PACS2: variants seen among roughly 807,000 people sequenced by gnomAD.
PACS2 encodes the protein phosphofurin acidic cluster sorting protein 2, also known as PACS1-like protein.
In PACS2, 36 loss-of-function variants were observed where a neutral mutation model predicts 113.0. The observed-to-expected ratio is 0.32, with a 90% CI of 0.24 to 0.42. The LOEUF (loss-of-function observed/expected upper bound fraction) is 0.42, where lower values mean the gene tolerates loss of function less well. PACS2 is among the 10% of genes least tolerant of loss of function. The pLI, the probability that PACS2 is intolerant of heterozygous loss-of-function variation, is 1.00. For synonymous variants in PACS2, 589 were observed against 536.1 expected (o/e 1.10, Z -1.36); for missense variants, 1,015 against 1,239.5 (o/e 0.82, Z 2.72).
In PACS2 at chr14:105,348,104, C is replaced by T. The variant is rs782819378; in HGVS notation, c.120-389C>T. Among the ~76,000 whole-genome samples, 15 of 152,066 alleles carry T rather than the reference C, an allele frequency of 9.9e-5. No homozygotes were observed. Among genetic ancestry groups the T allele is most frequent in the East Asian group, 1.9e-4 (1 of 5,182 alleles). On this transcript the variant is annotated intron_variant, in intron 1 of 24. Transcript: ENST00000447393. The surrounding 1 kb of genome is among the most constrained non-coding windows in gnomAD (Gnocchi z 6.4). ...GGCTGGGCCTGGGGCTGGATAGGGCCGCGGGAGAGGGGAGGCCTGTGCTCT... is the reference window on the plus strand; with the variant it reads ...GGCTGGGCCTGGGGCTGGATAGGGCTGCGGGAGAGGGGAGGCCTGTGCTCT...
chr14:105,357,766 C>T lies in PACS2; in HGVS notation c.423+2589C>T, dbSNP rs782210590. Among the ~76,000 whole-genome samples, 3 of 152,100 alleles carry T rather than the reference C, an allele frequency of 2.0e-5. No individual in the cohort carries two copies. Among genetic ancestry groups the T allele is most frequent in the African/African-American group, 4.8e-5 (2 of 41,392 alleles). Reference sequence around the variant, plus strand: ...CTGTGCCATGGGGGCTTGCTGGCTCCGAGACTGCACGCCTGAGACGGGGGT... The same window carrying T: ...CTGTGCCATGGGGGCTTGCTGGCTCTGAGACTGCACGCCTGAGACGGGGGT... On this transcript the variant is annotated intron_variant, in intron 4 of 24. Transcript: ENST00000447393. The surrounding 1 kb of genome is among the most constrained non-coding windows in gnomAD (Gnocchi z 5.1).
Position 105,382,818 on chromosome 14 carries a change from C to A in PACS2, c.1530C>A (p.Asp510Glu). The A allele has an allele frequency of 6.3e-7, 1 of 1,595,094 alleles. No individual in the cohort carries two copies. Residue 510 changes from aspartate to glutamate, a missense_variant, in exon 15 of 25, where the codon GAC (aspartate) becomes GAA (glutamate). This residue lies in a region of PACS2 where 859 missense variants were observed against 1,056.8 expected (regional missense o/e 0.81). Coordinates refer to ENST00000447393, the MANE Select transcript of PACS2 (RefSeq NM_001100913.3). ...CTGTCTTCTGCCAGTTCCTCTCCGA[C>A]GTCCTGCAGAGGCACACGCTCCCCG... The part of the protein sequence containing the change: ...TSDWQGQFLS[D>E]VLQRHTLPVV...
intron 4 of PACS2, among the ~76,000 whole-genome samples, chr14:105,363,997 C>T (rs587621779): frequency 3.9e-5 from 6 of 152,300 alleles, no homozygotes; most frequent in African/African-American, 1.4e-4. Flanking sequence ...ATTAAGTTCA[C>T]TGTCTTACAT....
chr14:105,313,034 G>A (rs2058389019), upstream of PACS2, among the ~76,000 whole-genome samples: 1 of 152,154 alleles, frequency 6.6e-6, no homozygotes, highest in Non-Finnish European at 1.5e-5. Context: ...TCACAACGGT[G>A]CCTGGCACAG....
At position 105,348,440 on chromosome 14, in the gene PACS2, G is replaced by C. The variant is rs1321236203; in HGVS notation, c.120-53G>C. On this transcript the variant is annotated intron_variant, in intron 1 of 24. Coordinates refer to ENST00000447393, the MANE Select transcript of PACS2 (RefSeq NM_001100913.3). This position sits in a 1 kb window ranked among gnomAD's most constrained non-coding sequence, Gnocchi z 6.4. ...CACAGTGCTGGGACGGCACAGGGCC[G>C]CGTCCTGAGGAGAGGGCGGAGCCCC... 7.2e-7 allele frequency: 1 copy of C among 1,387,626 alleles called. No individual in the cohort carries two copies. Among genetic ancestry groups the C allele is most frequent in the African/African-American group, 1.4e-5 (1 of 70,644 alleles). 86.0% of individuals were successfully genotyped at this position (1,387,626 alleles called of 1,614,324 possible).
At position 105,384,994 on chromosome 14, in the gene PACS2, C is replaced by T. The variant is rs587719186; in HGVS notation, c.2000+7C>T. 6.9e-5 allele frequency: 105 copies of T among 1,519,010 alleles called. 1 individual carries two copies. Among genetic ancestry groups the T allele is most frequent in the Admixed American group, 4.8e-4 (25 of 52,432 alleles). 94.1% of individuals were successfully genotyped at this position (1,519,010 alleles called of 1,614,324 possible). On this transcript the variant is annotated splice_region_variant and intron_variant, in intron 18 of 24. Coordinates refer to ENST00000447393, the MANE Select transcript of PACS2 (RefSeq NM_001100913.3). ...TGACCTACAAGCAGAAGAGGTAACG[C>T]GGTGGGCCCAGGCACCATACCACAG...
intron 1 of PACS2, among the ~76,000 whole-genome samples, chr14:105,325,984 C>A (rs1025364581): frequency 6.6e-6 from 1 of 152,242 alleles, no homozygotes; most frequent in African/African-American, 2.4e-5. Flanking sequence ...ATGCCACCAG[C>A]ATCTTTTGTT....
rs1241761787 is a variant in PACS2, at chr14:105,314,798, C to T, written c.-121C>T. The stretch of plus-strand genomic sequence containing the variant: ...GTCCGACGCCGGGGCCCGGCCCGTC[C>T]CCTCCGCCGCCCGGCAGCCATGTGA... On this transcript the variant is annotated 5_prime_UTR_variant, in exon 1 of 25. Coordinates refer to ENST00000447393, the MANE Select transcript of PACS2 (RefSeq NM_001100913.3). 2.1e-5 allele frequency: 5 copies of T among 239,950 alleles called. No homozygotes were observed. Among genetic ancestry groups the T allele is most frequent in the Non-Finnish European group, 2.6e-5 (4 of 152,150 alleles). 14.9% of individuals were successfully genotyped at this position (239,950 alleles called of 1,614,324 possible).
At chr14:105,333,202 C>T (rs931745594) in intron 1 of PACS2, among the ~76,000 whole-genome samples, 1 of 152,234 alleles carries the variant, frequency 6.6e-6, no homozygotes, top group African/African-American at 2.4e-5. Flanking sequence ...TCCCCACCCC[C>T]TCCTGCTGCA....
Position 105,394,739 on chromosome 14 carries a change from A to G in PACS2, c.*67A>G, listed in dbSNP as rs1162542520. 5 of 992,900 alleles carry G rather than the reference A, an allele frequency of 5.0e-6. No homozygotes were observed. Among genetic ancestry groups the G allele is most frequent in the Admixed American group, 1.7e-5 (1 of 58,920 alleles). The allele number at this position is 992,900 out of a possible 1,614,324, so 61.5% of individuals were successfully genotyped here. A position where few individuals can be genotyped will look rare whatever the true frequency, so the allele number is the denominator to read the frequency against. On this transcript the variant is annotated 3_prime_UTR_variant, in exon 25 of 25. Transcript: ENST00000447393. ...GGGGCCCAGCTGCATTTCTGTTAAC[A>G]TTTCAGTTTACTACAGAGACAGACG...
At chr14:105,313,477 C>T (rs1352952785), upstream of PACS2, among the ~76,000 whole-genome samples, 1 of 152,216 alleles carries the variant, frequency 6.6e-6, no homozygotes, top group East Asian at 1.9e-4. Flanking sequence ...ACACAGAGTC[C>T]CTTGTTCTCT....
Position 105,334,436 on chromosome 14 carries a change from T to C in PACS2, c.120-14057T>C, listed in dbSNP as rs1395173387. On this transcript the variant is annotated intron_variant, in intron 1 of 24. Coordinates refer to ENST00000447393, the MANE Select transcript of PACS2 (RefSeq NM_001100913.3). The stretch of plus-strand genomic sequence containing the variant: ...CTTCACCCTCTTCCCTCTGTCTGTG[T>C]AGAGCTCCACCTGAGGCCCAGTGTG... Among the ~76,000 whole-genome samples, 7 of 152,262 alleles carry C rather than the reference T, an allele frequency of 4.6e-5. No individual in the cohort carries two copies. In the East Asian group the frequency reaches 1.4e-3, roughly 29 times the overall value.
In PACS2 at chr14:105,329,302, C is replaced by A. The variant is rs1008293673; in HGVS notation, c.119+14265C>A. 6.6e-6 allele frequency among the ~76,000 whole-genome samples: 1 copy of A among 152,174 alleles called. No homozygotes were observed. The highest frequency in any genetic ancestry group is 1.5e-5 in the Non-Finnish European group (1 of 68,020). On this transcript the variant is annotated intron_variant, in intron 1 of 24. Transcript: ENST00000447393. This position sits in a 1 kb window ranked among gnomAD's most constrained non-coding sequence, Gnocchi z 6.4. ...TGTGATCTCTGTCCCCGTCTTCTCC[C>A]GGCTTCCTTGGGTCCTGTGTGCCCA...
chr14:105,318,945 C>G (rs1172439872), intron 1 of PACS2, among the ~76,000 whole-genome samples: 2 of 150,810 alleles, frequency 1.3e-5, no homozygotes, highest in Admixed American at 1.3e-4. Flanking sequence ...CAGGCGTGAG[C>G]CACCACGCCC....
intron 1 of PACS2, among the ~76,000 whole-genome samples, chr14:105,316,981 C>A (rs780461408): frequency 2.0e-5 from 3 of 152,216 alleles, no homozygotes; most frequent in Non-Finnish European, 2.9e-5. Context: ...CCTGCCCTTA[C>A]CTGTCCTGGA....
At chr14:105,331,966 CTG>C (rs1461255900) in intron 1 of PACS2, among the ~76,000 whole-genome samples, 1 of 152,192 alleles carries the variant, frequency 6.6e-6, no homozygotes, top group Non-Finnish European at 1.5e-5. Context: ...CTTCTGGCCT[CTG>C]TTGTGGTTTT....
At chr14:105,380,489 A>T (rs782248127) in intron 11 of PACS2, among the ~76,000 whole-genome samples, 2 of 128,094 alleles carry the variant, frequency 1.6e-5, no homozygotes, top group East Asian at 5.0e-4. Context: ...GGGTCAGGGC[A>T]GCTGGACTCA....
chr14:105,359,793 G>A (rs587711022), intron 4 of PACS2, among the ~76,000 whole-genome samples: 23 of 152,054 alleles, frequency 1.5e-4, no homozygotes, highest in African/African-American at 4.8e-4. Context: ...GGGTTTCACC[G>A]TGTTAGCCAA....
At position 105,392,721 on chromosome 14, in the gene PACS2, C is replaced by G; in HGVS notation, c.2358C>G (p.Val786=). Residue 786 remains valine, a synonymous_variant, in exon 23 of 25, where the codon GTC becomes GTG. Transcript: ENST00000447393. ...KRDAEKKDLP[V]TKNTLKCTFR... ...ACGCCGAGAAGAAGGACCTGCCTGT[C>G]ACCAAAAACACGCTCAAGTGCACTT... 6.2e-7 allele frequency: 1 copy of G among 1,612,972 alleles called. No individual in the cohort carries two copies. The highest frequency in any genetic ancestry group is 8.5e-7 in the Non-Finnish European group (1 of 1,179,980).
Sources: allele counts gnomAD v4.1 joint callset (sites outside exome capture counted in the v4.1 genomes callset), GRCh38; gene constraint gnomAD v4.1.1; regional missense constraint gnomAD v4.1.1; non-coding constraint Gnocchi (gnomAD v3.1); transcripts MANE v1.5; gene names NCBI Gene and HGNC (gene_info 2026-07-23, HGNC 2026-07-21).